The following FGD1 variants were observed in gnomAD, a reference collection of about 807,000 sequenced individuals.
FGD1 encodes FYVE, RhoGEF and PH domain containing 1.
In FGD1, 12 loss-of-function variants were observed where a neutral mutation model predicts 65.0. That is an observed-to-expected ratio of 0.18 (90% CI 0.12 to 0.30). The LOEUF is 0.30. Among genes scored for constraint, FGD1 ranks in the 10% least tolerant of loss-of-function variants. FGD1 has a pLI of 1.00. For synonymous variants in FGD1, 333 were observed against 343.9 expected (o/e 0.97, Z 0.35); for missense variants, 542 against 837.6 (o/e 0.65, Z 4.36).
intron 1 of FGD1, among the ~76,000 whole-genome samples, chrX:54,490,023 T>A (rs1213863713): frequency 1.8e-5 from 2 of 112,226 alleles, no homozygotes; most frequent in African/African-American, 6.5e-5. Context: ...TGAGATCACG[T>A]CCTTTGCAGA....
rs189185630 is a variant in FGD1 at position 54,447,768 on chromosome X, G to T, written c.2437-314C>A. Among the ~76,000 whole-genome samples, 145 of 112,259 alleles carry T rather than the reference G, an allele frequency of 1.3e-3. 1 individual carries two copies. Among genetic ancestry groups the T allele is most frequent in the Middle Eastern group, 4.6e-3 (1 of 219 alleles). ...AGCCATTCACACATTTAGGCCTCAT[G>T]CTTTTTTCTGTCTTTCATCACATCC... On this transcript the variant is annotated intron_variant, in intron 16 of 17. Transcript: ENST00000375135.
chrX:54,459,357 C>A lies in FGD1; in HGVS notation c.1637-2790G>T, dbSNP rs138620751. Among the ~76,000 whole-genome samples, 493 of 111,192 alleles carry A rather than the reference C, an allele frequency of 4.4e-3. 1 individual carries two copies. Among genetic ancestry groups the A allele is most frequent in the Middle Eastern group, 0.028 (6 of 214 alleles). On this transcript the variant is annotated intron_variant, in intron 8 of 17. Coordinates refer to ENST00000375135, the MANE Select transcript of FGD1 (RefSeq NM_004463.3). ...AGGGGTTCAGGCTAGGGAGTGCAAT[C>A]TGCGGGGCCTGATGTAGGGGCTTGG...
chrX:54,462,765 C>CT (rs1181178139), intron 8 of FGD1, among the ~76,000 whole-genome samples: 24,609 of 83,749 alleles, frequency 0.29, 3,450 homozygotes, highest in East Asian at 0.43. Flanking sequence ...GCTGCTCCTT[C>CT]TTTTTTTTTT....
At chrX:54,480,907 C>T in intron 1 of FGD1, among the ~76,000 whole-genome samples, 1 of 111,639 alleles carries the variant, frequency 9.0e-6, no homozygotes. Context: ...CCGCCTCGGC[C>T]TCCCAAAATG....
In FGD1 at chrX:54,495,776, G is replaced by A. The variant is rs1923527331; in HGVS notation, c.-344C>T. On this transcript the variant is annotated 5_prime_UTR_variant, in exon 1 of 18. Transcript: ENST00000375135. ...GGCTGCGGTTGGGCGAGGGTTGGAGGGCTACGCTCGGCGGGGACTCTCCGG... is the reference window on the plus strand; with the variant it reads ...GGCTGCGGTTGGGCGAGGGTTGGAGAGCTACGCTCGGCGGGGACTCTCCGG... The A allele has an allele frequency of 9.0e-6, 1 of 111,499 alleles. No individual in the cohort carries two copies. The highest frequency in any genetic ancestry group is 9.3e-5 in the Admixed American group (1 of 10,703). The allele number at this position is 111,499 out of a possible 1,213,427, so 9.2% of individuals were successfully genotyped here. A position where few individuals can be genotyped will look rare whatever the true frequency, so the allele number is the denominator to read the frequency against.
intron 12 of FGD1, among the ~76,000 whole-genome samples, chrX:54,452,873 T>C (rs1047306036): frequency 1.8e-5 from 2 of 111,992 alleles, no homozygotes; most frequent in Non-Finnish European, 3.8e-5. Context: ...CAGGCATCCG[T>C]ATTTTTTAAA....
Position 54,449,223 on chromosome X carries a change from C to G in FGD1, c.2194G>C (p.Glu732Gln), listed in dbSNP as rs757801778. The G allele has an allele frequency of 4.1e-6, 5 of 1,210,520 alleles. No homozygotes were observed. The highest frequency in any genetic ancestry group is 5.6e-6 in the Non-Finnish European group (5 of 895,235). The change falls in exon 15 of 18, where the codon GAA becomes CAA. Residue 732 changes from glutamate to glutamine, a missense_variant. Around this residue, in one of 6 missense-constraint regions of FGD1, gnomAD observed 182 missense variants for 311.4 expected, o/e 0.58. Transcript: ENST00000375135. Reference protein sequence around the residue: ...KRAPTPIREKEVTMCMRCQEP... With the variant: ...KRAPTPIREKQVTMCMRCQEP... ...TGGCAGCGCATGCACATGGTGACTT[C>G]CTTTTCCCGGATGGGCGTAGGTGCC...
chrX:54,482,033 C>T (rs1391127239), intron 1 of FGD1, among the ~76,000 whole-genome samples: 1 of 110,506 alleles, frequency 9.0e-6, no homozygotes, highest in Non-Finnish European at 1.9e-5. Context: ...TGCGCAGAAA[C>T]ATCTAGAAAC....
At chrX:54,494,490 A>G (rs1923485078) in intron 1 of FGD1, among the ~76,000 whole-genome samples, 2 of 97,505 alleles carry the variant, frequency 2.1e-5, no homozygotes, top group Non-Finnish European at 4.0e-5. Flanking sequence ...AAGGCTTGGC[A>G]TTACTTTCAT....
chrX:54,458,311 G>A (rs1922552770), intron 8 of FGD1, among the ~76,000 whole-genome samples: 1 of 110,534 alleles, frequency 9.0e-6, no homozygotes, highest in African/African-American at 3.3e-5. Context: ...TACTTTAGGA[G>A]GCCGAGGGGG....
rs749180454 is a variant in FGD1, at chrX:54,456,605, G to C, written c.1637-38C>G. ...AGGGGTGAGGTCAGATGGGGGACTA[G>C]CAGAGAGGAGCCTTTCCGGGGCTTT... On this transcript the variant is annotated intron_variant, in intron 8 of 17. Transcript: ENST00000375135. The C allele has an allele frequency of 9.2e-6, 10 of 1,086,735 alleles. No homozygotes were observed. The South Asian group carries it at 2.0e-4, about 21-fold the overall frequency. The allele number at this position is 1,086,735 out of a possible 1,213,427, so 89.6% of individuals were successfully genotyped here. A position where few individuals can be genotyped will look rare whatever the true frequency, so the allele number is the denominator to read the frequency against.
At chrX:54,449,392 A>G in intron 14 of FGD1, 124 bp from the exon 15 acceptor site, 1 of 877,505 alleles carries the variant, frequency 1.1e-6, no homozygotes, top group Non-Finnish European at 1.6e-6. Context: ...TAGGGGGAGC[A>G]GCCACATTCA....
At chrX:54,450,404 T>G in intron 12 of FGD1, 103 bp from the exon 13 acceptor site, 1 of 776,111 alleles carries the variant, frequency 1.3e-6, no homozygotes, top group East Asian at 3.2e-5. Context: ...GACCTGGGCT[T>G]GACCCTCTTC....
At chrX:54,466,759 T>G (rs866119474) in intron 6 of FGD1, among the ~76,000 whole-genome samples, 39 of 83,512 alleles carry the variant, frequency 4.7e-4, no homozygotes, top group East Asian at 1.1e-3. Flanking sequence ...TTGTTTGTTT[T>G]TTTTTTTTTT....
chrX:54,484,060 G>A (rs760019849), intron 1 of FGD1, among the ~76,000 whole-genome samples: 6 of 111,814 alleles, frequency 5.4e-5, no homozygotes, highest in Non-Finnish European at 9.4e-5. Context: ...TGAGCACAGG[G>A]ACAAGGAAGG....
Position 54,470,598 on chromosome X carries a change from A to G in FGD1, c.644T>C (p.Ile215Thr). Residue 215 changes from isoleucine to threonine, a missense_variant, in exon 3 of 18, where the codon ATT becomes ACT. Physicochemically the swap from Ile to Thr is moderately conservative, Grantham distance 89. Around this residue, in one of 6 missense-constraint regions of FGD1, gnomAD observed 297 missense variants for 326.8 expected, o/e 0.91. Transcript: ENST00000375135. The part of the protein sequence containing the change: ...SPSSAAVSSL[I>T]EKFEREPVIV... Reference sequence around the variant, plus strand: ...CCAGACTCACCTTTCAAACTTCTCAATCAGTGAGGATACTGCTGCAGAACT... The same window carrying G: ...CCAGACTCACCTTTCAAACTTCTCAGTCAGTGAGGATACTGCTGCAGAACT... 7 of 1,205,372 alleles carry G rather than the reference A, an allele frequency of 5.8e-6. No homozygotes were observed. The highest frequency in any genetic ancestry group is 1.8e-5 in the South Asian group (1 of 56,415).
Position 54,495,236 on chromosome X carries a change from G to T in FGD1, c.197C>A (p.Thr66Asn). The T allele has an allele frequency of 8.4e-7, 1 of 1,192,323 alleles. No individual in the cohort carries two copies. The highest frequency in any genetic ancestry group is 1.1e-6 in the Non-Finnish European group (1 of 886,527). Residue 66 changes from threonine to asparagine, a missense_variant, in exon 1 of 18, where the codon ACC becomes AAC. Coordinates refer to ENST00000375135, the MANE Select transcript of FGD1 (RefSeq NM_004463.3). ...GTGGCCTGGAGCAGCGCCCAGGCTG[G>T]TGTCCGAGGGTCCGACAAACTGGGG... ...LDPQFVGPSDTSLGAAPGHRV... is the reference protein window; with the variant it reads ...LDPQFVGPSDNSLGAAPGHRV...
chrX:54,479,534 C>G lies in FGD1; in HGVS notation c.308-8047G>C, dbSNP rs767503308. Among the ~76,000 whole-genome samples, 3 of 110,270 alleles carry G rather than the reference C, an allele frequency of 2.7e-5. No homozygotes were observed. In the East Asian group the frequency reaches 8.6e-4, roughly 32 times the overall value. On this transcript the variant is annotated intron_variant, in intron 1 of 17. Coordinates refer to ENST00000375135, the MANE Select transcript of FGD1 (RefSeq NM_004463.3). ...GTGTGTTCTGCTTGTTGTGAGCAAT[C>G]AGCGAGATCCTAGGGTGAGCAGAAG...
chrX:54,495,494 G>A lies in FGD1; in HGVS notation c.-62C>T. ...TGGCTCCAGCTCCTGGGGCGGAGGC[G>A]CGGGCGGAGGAGGCCCGGCGCCCGG... On this transcript the variant is annotated 5_prime_UTR_variant, in exon 1 of 18. Transcript: ENST00000375135. 2.4e-6 allele frequency: 2 copies of A among 827,267 alleles called. No individual in the cohort carries two copies. The highest frequency in any genetic ancestry group is 1.3e-4 in the South Asian group (2 of 15,580). The allele number at this position is 827,267 out of a possible 1,213,427, so 68.2% of individuals were successfully genotyped here.
Sources: allele counts gnomAD v4.1 joint callset (sites outside exome capture counted in the v4.1 genomes callset), GRCh38; gene constraint gnomAD v4.1.1; regional missense constraint gnomAD v4.1.1; transcripts MANE v1.5; gene names NCBI Gene and HGNC (gene_info 2026-07-23, HGNC 2026-07-21).